Variants in PSPC1 observed in about 807,000 individuals in gnomAD.
PSPC1 encodes the protein paraspeckle protein 1.
A neutral mutation model predicts 51.6 loss-of-function variants in PSPC1; 14 were observed. The observed-to-expected ratio is 0.27, with a 90% CI of 0.18 to 0.42. PSPC1 has a LOEUF of 0.42. Ranked by LOEUF, PSPC1 falls within the 10% of genes least tolerant of loss-of-function variation. The pLI, the probability that PSPC1 is intolerant of heterozygous loss-of-function variation, is 1.00. For missense variants in PSPC1, 406 were observed against 701.1 expected (o/e 0.58, Z 4.75); for synonymous variants, 193 against 231.9 (o/e 0.83, Z 1.53).
intron 6 of PSPC1, among the ~76,000 whole-genome samples, chr13:19,684,521 T>G (rs1188579957): frequency 6.6e-6 from 1 of 152,260 alleles, no homozygotes; most frequent in African/African-American, 2.4e-5. Flanking sequence ...TAGTTTATTT[T>G]ACACCACACA....
At chr13:19,732,352 A>G (rs957352989) in intron 5 of PSPC1, among the ~76,000 whole-genome samples, 9 of 152,180 alleles carry the variant, frequency 5.9e-5, no homozygotes, top group Admixed American at 5.2e-4. Context: ...AAGATCCAAT[A>G]AAGGTCAAAT....
chr13:19,774,480 T>C (rs1401678359), intron 1 of PSPC1, among the ~76,000 whole-genome samples: 2 of 152,092 alleles, frequency 1.3e-5, no homozygotes, highest in African/African-American at 2.4e-5. Flanking sequence ...TCCCTCTGTA[T>C]CCATGGATTC....
chr13:19,772,724 T>G (rs1888733131), intron 1 of PSPC1, among the ~76,000 whole-genome samples, 181 bp from the exon 2 acceptor site: 1 of 152,220 alleles, frequency 6.6e-6, no homozygotes, highest in African/African-American at 2.4e-5. Flanking sequence ...TTTTAAACAT[T>G]TTAATTAAAA....
intron 8 of PSPC1, among the ~76,000 whole-genome samples, chr13:19,703,980 A>C (rs1256807747): frequency 6.6e-6 from 1 of 152,234 alleles, no homozygotes; most frequent in African/African-American, 2.4e-5. Context: ...CATCTGAATT[A>C]AGTATTTTGA....
At chr13:19,725,852 T>C (rs1883307167) in intron 6 of PSPC1, among the ~76,000 whole-genome samples, 1 of 152,230 alleles carries the variant, frequency 6.6e-6, no homozygotes, top group South Asian at 2.1e-4. Flanking sequence ...TCATACTGTT[T>C]GAACCGTGTT....
chr13:19,686,644 T>C (rs1399090750), intron 6 of PSPC1, among the ~76,000 whole-genome samples: 4 of 152,218 alleles, frequency 2.6e-5, no homozygotes, highest in Non-Finnish European at 4.4e-5. Context: ...GTGTACCAGG[T>C]ACACATTATT....
chr13:19,762,158 G>A (rs1305709315), intron 2 of PSPC1, among the ~76,000 whole-genome samples: 1 of 152,202 alleles, frequency 6.6e-6, no homozygotes, highest in African/African-American at 2.4e-5. Context: ...AGATTTCTAA[G>A]AGGGAACTTA....
chr13:19,699,347 T>TTG (rs927644747), downstream of PSPC1: 2 of 151,740 alleles, frequency 1.3e-5, no homozygotes, highest in African/African-American at 4.8e-5. Context: ...TTCCCCAGAG[T>TTG]AACAGTCCAT....
chr13:19,747,340 CT>C (rs199684901), intron 4 of PSPC1, among the ~76,000 whole-genome samples: 1,778 of 151,800 alleles, frequency 0.012, 36 homozygotes, highest in African/African-American at 0.039. Context: ...AGGTAAACAG[CT>C]TTTTTTTAGA....
At chr13:19,735,259 C>G (rs867919072) in intron 5 of PSPC1, among the ~76,000 whole-genome samples, 1 of 152,126 alleles carries the variant, frequency 6.6e-6, no homozygotes, top group Non-Finnish European at 1.5e-5. Context: ...TTGCAGCGAC[C>G]GAGATCGCGC....
At chr13:19,730,803 C>A (rs1593642910) in intron 5 of PSPC1, among the ~76,000 whole-genome samples, 1 of 151,726 alleles carries the variant, frequency 6.6e-6, no homozygotes, top group Non-Finnish European at 1.5e-5. Context: ...ACTAAAAATA[C>A]AAAAATTAGC....
chr13:19,673,782 G>A (rs1876310955), downstream of PSPC1, among the ~76,000 whole-genome samples: 1 of 152,138 alleles, frequency 6.6e-6, no homozygotes. Flanking sequence ...AATTATCCGG[G>A]GGAAAAAGCC....
Position 19,768,174 on chromosome 13 carries a change from G to A in PSPC1, c.674+4068C>T, listed in dbSNP as rs1241067514. Reference sequence around the variant, plus strand: ...CAGGAGGTCAAGGCTGCAGTGAGCCGAGATCACTCCACTGCACTTTGGCCT... The same window carrying A: ...CAGGAGGTCAAGGCTGCAGTGAGCCAAGATCACTCCACTGCACTTTGGCCT... On this transcript the variant is annotated intron_variant, in intron 2 of 8. Transcript: ENST00000338910. Among the ~76,000 whole-genome samples, 9 of 151,946 alleles carry A rather than the reference G, an allele frequency of 5.9e-5. 1 individual carries two copies. The South Asian group carries it at 6.2e-4, about 11-fold the overall frequency.
intron 3 of PSPC1, among the ~76,000 whole-genome samples, chr13:19,754,708 G>A (rs1400560659): frequency 4.6e-5 from 7 of 152,156 alleles, no homozygotes; most frequent in Non-Finnish European, 8.8e-5. Flanking sequence ...CCAAAGTGCT[G>A]GGATTACAGG....
intron 6 of PSPC1, among the ~76,000 whole-genome samples, chr13:19,688,336 T>G (rs1248205261): frequency 6.6e-6 from 1 of 152,136 alleles, no homozygotes; most frequent in Non-Finnish European, 1.5e-5. Flanking sequence ...GATAACCTCC[T>G]GTCACACGAT....
chr13:19,677,808 ATTTTC>A (rs1876838730), exon 7 of PSPC1: 1 of 490,784 alleles, frequency 2.0e-6, no homozygotes, highest in Non-Finnish European at 4.1e-6. Flanking sequence ...CTTCAGCCAC[ATTTTC>A]TTTTATCACC....
chr13:19,761,580 T>C (rs546819581), intron 2 of PSPC1, among the ~76,000 whole-genome samples: 1 of 152,296 alleles, frequency 6.6e-6, no homozygotes, highest in African/African-American at 2.4e-5. Flanking sequence ...AAATAACTTT[T>C]CAAAATTATT....
At chr13:19,728,061 T>A (rs1050109033) in intron 6 of PSPC1, among the ~76,000 whole-genome samples, 5 of 152,212 alleles carry the variant, frequency 3.3e-5, no homozygotes, top group African/African-American at 1.2e-4. Context: ...GATGAAGTAC[T>A]GGCTTACATC....
downstream of PSPC1, chr13:19,671,366 A>C: frequency 7.5e-7 from 1 of 1,341,468 alleles, no homozygotes. Context: ...TTAGAAAAAA[A>C]ATTCCAAGAA....
Sources: gnomAD v4.1 joint callset for allele counts (sites outside exome capture counted in the v4.1 genomes callset) on GRCh38, gnomAD v4.1.1 for gene constraint, MANE v1.5 for transcripts, NCBI Gene and HGNC (gene_info 2026-07-23, HGNC 2026-07-21) for gene names.